Variants in ERC1 observed in about 807,000 individuals in gnomAD.
ERC1 encodes the protein ELKS/RAB6-interacting/CAST family member 1.
ERC1 carries 56 observed loss-of-function variants against 132.0 expected under a neutral mutation model. That is an observed-to-expected ratio of 0.42 (90% CI 0.34 to 0.53). ERC1 has a LOEUF of 0.53. Ranked by LOEUF, ERC1 falls within the 20% of genes least tolerant of loss-of-function variation. The pLI is 0.03. For missense variants in ERC1, 1,202 were observed against 1,349.9 expected (o/e 0.89, Z 1.72); for synonymous variants, 478 against 476.1 (o/e 1.00, Z -0.05).
intron 8 of ERC1, among the ~76,000 whole-genome samples, chr12:1,157,217 C>T (rs1340835492): frequency 6.6e-6 from 1 of 152,172 alleles, no homozygotes; most frequent in African/African-American, 2.4e-5. Flanking sequence ...CAACCTTCCA[C>T]CTCAGACTCT....
chr12:1,495,882 T>C lies in ERC1; in HGVS notation c.*5652T>C. ...TAAACACTTTGTTCATTTTTTCTTT[T>C]TTATTCACAAACTAAATCCACCAGG... On this transcript the variant is annotated 3_prime_UTR_variant, in exon 19 of 19. Transcript: ENST00000360905. The C allele has an allele frequency of 1.1e-5, 2 of 189,854 alleles. No individual in the cohort carries two copies. The highest frequency in any genetic ancestry group is 2.2e-5 in the Non-Finnish European group (2 of 90,460). The allele number at this position is 189,854 out of a possible 1,614,324, so 11.8% of individuals were successfully genotyped here. A position where few individuals can be genotyped will look rare whatever the true frequency, so the allele number is the denominator to read the frequency against.
At chr12:1,006,208 C>G (rs10849617) in intron 1 of ERC1, among the ~76,000 whole-genome samples, 1 of 151,730 alleles carries the variant, frequency 6.6e-6, no homozygotes, top group African/African-American at 2.4e-5. Flanking sequence ...CCACCCGCCT[C>G]GGCCTCCCAA....
chr12:1,461,622 G>A (rs1354079243), intron 18 of ERC1, among the ~76,000 whole-genome samples: 1 of 152,072 alleles, frequency 6.6e-6, no homozygotes, highest in Non-Finnish European at 1.5e-5. Flanking sequence ...AGCTGAGATT[G>A]CACCATTGCA....
intron 11 of ERC1, 30 bp from the exon 12 acceptor site, chr12:1,189,829 C>T: frequency 6.4e-7 from 1 of 1,557,328 alleles, no homozygotes; most frequent in African/African-American, 1.4e-5. Flanking sequence ...CTGTGTGTAT[C>T]TGATAGGATT....
intron 15 of ERC1, among the ~76,000 whole-genome samples, chr12:1,324,238 G>A (rs772344346): frequency 5.3e-5 from 8 of 152,186 alleles, no homozygotes; most frequent in Non-Finnish European, 8.8e-5. Flanking sequence ...GAATTAGTGA[G>A]TGACTTAGTC....
At chr12:1,239,973 C>G (rs1034885915) in intron 13 of ERC1, among the ~76,000 whole-genome samples, 4 of 152,100 alleles carry the variant, frequency 2.6e-5, no homozygotes, top group Non-Finnish European at 4.4e-5. Context: ...AATTCCTGGA[C>G]CAGGAACCAC....
intron 17 of ERC1, among the ~76,000 whole-genome samples, chr12:1,441,361 G>A (rs1343728091): frequency 6.6e-6 from 1 of 152,042 alleles, no homozygotes; most frequent in African/African-American, 2.4e-5. Context: ...GTGCCCGGCT[G>A]AAATTGATTG....
intron 2 of ERC1, among the ~76,000 whole-genome samples, chr12:1,057,898 AT>A (rs1024954785): frequency 2.6e-5 from 4 of 151,280 alleles, no homozygotes; most frequent in African/African-American, 7.3e-5. Flanking sequence ...CCGGCCTAAA[AT>A]TTTTTTTTAG....
rs778147592 is a variant in ERC1 at position 1,408,223 on chromosome 12, A to C, written c.3000A>C (p.Thr1000=). The change falls in exon 17 of 19, where the codon ACA becomes ACC. Residue 1000 remains threonine (T), a synonymous_variant. Transcript: ENST00000360905. The part of the protein sequence containing the change: ...DHFKSSHSNQ[T]NHKPSPDQII... ...TCAAATCCTCCCATTCCAATCAAAC[A>C]AATCACAAGCCCTCCCCAGACCAGG... 13 of 1,613,900 alleles carry C rather than the reference A, an allele frequency of 8.1e-6. No individual in the cohort carries two copies. The highest frequency in any genetic ancestry group is 1.1e-5 in the Non-Finnish European group (13 of 1,179,870).
chr12:996,760 C>A (rs1035436418), intron 1 of ERC1, among the ~76,000 whole-genome samples: 2 of 152,138 alleles, frequency 1.3e-5, no homozygotes, highest in African/African-American at 4.8e-5. Context: ...AGTTAAAAGT[C>A]TCTCCTATCC....
intron 12 of ERC1, among the ~76,000 whole-genome samples, chr12:1,222,215 A>T (rs1156991172): frequency 2.7e-5 from 4 of 147,558 alleles, no homozygotes; most frequent in East Asian, 1.9e-4. Flanking sequence ...TTATGAGTGT[A>T]CATATTCTCT....
intron 8 of ERC1, among the ~76,000 whole-genome samples, chr12:1,144,567 C>T (rs139176536): frequency 8.1e-4 from 118 of 145,050 alleles, no homozygotes; most frequent in African/African-American, 3.2e-3. Flanking sequence ...CAGCTTGTTG[C>T]GAATGCCATT....
At chr12:1,136,348 T>A (rs1949250107) in intron 7 of ERC1, among the ~76,000 whole-genome samples, 1 of 152,242 alleles carries the variant, frequency 6.6e-6, no homozygotes, top group South Asian at 2.1e-4. Flanking sequence ...AGCCATCTTC[T>A]GCTCATCTTT....
chr12:1,011,527 G>A (rs1964686007), intron 1 of ERC1, among the ~76,000 whole-genome samples: 1 of 152,148 alleles, frequency 6.6e-6, no homozygotes, highest in Non-Finnish European at 1.5e-5. Context: ...TTTTAAATAA[G>A]TAGTGTTTAC....
intron 7 of ERC1, among the ~76,000 whole-genome samples, chr12:1,118,727 C>T (rs2154213131): frequency 6.6e-6 from 1 of 152,314 alleles, no homozygotes; most frequent in East Asian, 1.9e-4. Context: ...GCAGTTTATA[C>T]CAGCTCTTTG....
chr12:1,390,346 T>C (rs1197612440), intron 16 of ERC1, among the ~76,000 whole-genome samples: 2 of 152,044 alleles, frequency 1.3e-5, no homozygotes, highest in Non-Finnish European at 2.9e-5. Flanking sequence ...TAAATTAAAA[T>C]TTTAAAAAAA....
At chr12:1,388,615 A>T (rs1323943292) in intron 16 of ERC1, among the ~76,000 whole-genome samples, 1 of 152,152 alleles carries the variant, frequency 6.6e-6, no homozygotes, top group Non-Finnish European at 1.5e-5. Context: ...AGCCATGGAG[A>T]GGCTTTTAGT....
chr12:1,356,655 T>C (rs1228695362), intron 15 of ERC1, among the ~76,000 whole-genome samples: 1 of 152,222 alleles, frequency 6.6e-6, no homozygotes, highest in Non-Finnish European at 1.5e-5. Context: ...ATGCCCCTTA[T>C]TAAAAGGAAA....
rs910899751 is a variant in ERC1, at chr12:1,491,734, A to G, written c.*1504A>G. 1 of 231,150 alleles carries G rather than the reference A, an allele frequency of 4.3e-6. No homozygotes were observed. Among genetic ancestry groups the G allele is most frequent in the African/African-American group, 2.2e-5 (1 of 45,188 alleles). 14.3% of individuals were successfully genotyped at this position (231,150 alleles called of 1,614,324 possible). On this transcript the variant is annotated 3_prime_UTR_variant, in exon 19 of 19. Coordinates refer to ENST00000360905, the MANE Select transcript of ERC1 (RefSeq NM_178040.4). ...CTGACATCTGCATGTACCTCGTGGAATTCAGCCAGCTTCATGTTGCAAATC... is the reference window on the plus strand; with the variant it reads ...CTGACATCTGCATGTACCTCGTGGAGTTCAGCCAGCTTCATGTTGCAAATC...
Sources: allele counts gnomAD v4.1 joint callset (sites outside exome capture counted in the v4.1 genomes callset), GRCh38; gene constraint gnomAD v4.1.1; transcripts MANE v1.5; gene names NCBI Gene and HGNC (gene_info 2026-07-23, HGNC 2026-07-21).